LBP: variants seen among roughly 807,000 people sequenced by gnomAD.
LBP encodes lipopolysaccharide-binding protein.
In LBP, 53 loss-of-function variants were observed where a neutral mutation model predicts 56.6. The ratio of observed to expected loss-of-function variants is 0.94; its 90% CI spans 0.75 to 1.18. The LOEUF (loss-of-function observed/expected upper bound fraction) is 1.18. Ranked by LOEUF, LBP falls within the 50% of genes most tolerant of loss-of-function variation. The probability of loss-of-function intolerance (pLI) is 0.00; values close to 1 mark genes in which losing one functional copy is unlikely to be tolerated. For synonymous variants in LBP, 227 were observed against 247.5 expected (o/e 0.92, Z 0.78); for missense variants, 601 against 598.3 (o/e 1.00, Z -0.05).
At chr20:38,358,261 G>A (rs926023170) in intron 5 of LBP, among the ~76,000 whole-genome samples, 1 of 152,204 alleles carries the variant, frequency 6.6e-6, no homozygotes, top group African/African-American at 2.4e-5. Context: ...TTCTGCAAAG[G>A]TCAAACAGCC....
intron 5 of LBP, among the ~76,000 whole-genome samples, chr20:38,356,956 A>C (rs942764951): frequency 7.2e-5 from 11 of 152,046 alleles, no homozygotes; most frequent in Non-Finnish European, 8.8e-5. Context: ...CCCAGGTTCA[A>C]GCAATTCTTC....
At chr20:38,370,089 A>T (rs1390035180) in intron 10 of LBP, among the ~76,000 whole-genome samples, 1 of 152,140 alleles carries the variant, frequency 6.6e-6, no homozygotes, top group African/African-American at 2.4e-5. Context: ...AATATAATTT[A>T]CTGTCTGGGT....
rs779381277 is a variant in LBP at position 38,364,685 on chromosome 20, T to G, written c.854T>G (p.Val285Gly). 8 of 1,614,140 alleles carry G rather than the reference T, an allele frequency of 5.0e-6. No individual in the cohort carries two copies. The highest frequency in any genetic ancestry group is 5.9e-6 in the Non-Finnish European group (7 of 1,180,018). The change falls in exon 8 of 15, where the codon GTC (valine) becomes GGC (glycine). Residue 285 changes from valine to glycine, a missense_variant. By Grantham distance (109) the Val-to-Gly change is moderately radical. Transcript: ENST00000217407. ...KMVYFAISDY[V>G]FNTASLVYHE... ...GTCTACTTTGCCATCTCGGATTATGTCTTCAACACGGCCAGCCTGGTTTAT... is the reference window on the plus strand; with the variant it reads ...GTCTACTTTGCCATCTCGGATTATGGCTTCAACACGGCCAGCCTGGTTTAT...
rs1457958589 is a variant in LBP at position 38,346,687 on chromosome 20, G to C, written c.124+47G>C. The stretch of plus-strand genomic sequence containing the variant: ...CTGGACTTGGCAAACCCACGCTCCA[G>C]GCTGCTCTGGGTACAGTGGGGACAG... On this transcript the variant is annotated intron_variant, in intron 1 of 14. Coordinates refer to ENST00000217407, the MANE Select transcript of LBP (RefSeq NM_004139.5). 9 of 1,609,056 alleles carry C rather than the reference G, an allele frequency of 5.6e-6. No individual in the cohort carries two copies. In the South Asian group the frequency reaches 8.8e-5, roughly 16 times the overall value.
At position 38,371,235 on chromosome 20, in the gene LBP, C is replaced by T. The variant is rs188388337; in HGVS notation, c.1218-45C>T. The T allele has an allele frequency of 2.3e-4, 357 of 1,568,398 alleles. 1 individual carries two copies. The African/African-American group carries it at 4.1e-3, about 18-fold the overall frequency. ...TCTGGGGACCCCCGCATTGCTTAAA[C>T]TTGCATAAAGCCCACACCTTTTAAT... On this transcript the variant is annotated intron_variant, in intron 11 of 14. Transcript: ENST00000217407.
At position 38,369,033 on chromosome 20, in the gene LBP, G is replaced by A. The variant is rs1203549924; in HGVS notation, c.1020G>A (p.Gln340=). The A allele has an allele frequency of 2.5e-6, 4 of 1,614,050 alleles. No individual in the cohort carries two copies. Among genetic ancestry groups the A allele is most frequent in the East Asian group, 2.2e-5 (1 of 44,890 alleles). ...RLYPNMNLEL[Q]GSVPSAPLLN... ...ACCCCAACATGAACCTGGAACTCCAGGGATCAGTGCCCTCTGCTCCGCTCC... is the reference window on the plus strand; with the variant it reads ...ACCCCAACATGAACCTGGAACTCCAAGGATCAGTGCCCTCTGCTCCGCTCC... Residue 340 remains glutamine (Q), a synonymous_variant, in exon 10 of 15, where the codon CAG becomes CAA. Coordinates refer to ENST00000217407, the MANE Select transcript of LBP (RefSeq NM_004139.5).
rs1385118406 is a variant in LBP at position 38,364,592 on chromosome 20, G to A, written c.761G>A (p.Arg254His). ...EVMFKGEIFH[R>H]NHRSPVTLLA... ...CCTCTCCAGGGTGAAATCTTTCATCGTAACCACCGTTCTCCAGTTACCCTC... is the reference window on the plus strand; with the variant it reads ...CCTCTCCAGGGTGAAATCTTTCATCATAACCACCGTTCTCCAGTTACCCTC... The change falls in exon 8 of 15, where the codon CGT becomes CAT. Residue 254 changes from arginine to histidine, a missense_variant. Coordinates refer to ENST00000217407, the MANE Select transcript of LBP (RefSeq NM_004139.5). 2.5e-6 allele frequency: 4 copies of A among 1,613,998 alleles called. No individual in the cohort carries two copies. The highest frequency in any genetic ancestry group is 2.7e-5 in the African/African-American group (2 of 75,016).
At position 38,366,910 on chromosome 20, in the gene LBP, T is replaced by C. The variant is rs2076884439; in HGVS notation, c.981+82T>C. ...TTTCTCTTTAAAACCTCTGCATCTC[T>C]CAGCTTGACCAAGAGTGAGAAGGCC... On this transcript the variant is annotated intron_variant, in intron 9 of 14. Coordinates refer to ENST00000217407, the MANE Select transcript of LBP (RefSeq NM_004139.5). The C allele has an allele frequency of 3.1e-6, 4 of 1,281,382 alleles. No individual in the cohort carries two copies. The Admixed American group carries it at 6.7e-5, about 22-fold the overall frequency. 79.4% of individuals were successfully genotyped at this position (1,281,382 alleles called of 1,614,324 possible). A position where few individuals can be genotyped will look rare whatever the true frequency, so the allele number is the denominator to read the frequency against.
chr20:38,357,176 C>T (rs1055656606), intron 5 of LBP, among the ~76,000 whole-genome samples: 11 of 152,134 alleles, frequency 7.2e-5, no homozygotes, highest in Admixed American at 3.3e-4. Flanking sequence ...ATCTTAACCT[C>T]GACCTTGGAA....
At chr20:38,356,801 G>A (rs942321418) in intron 5 of LBP, among the ~76,000 whole-genome samples, 3 of 152,280 alleles carry the variant, frequency 2.0e-5, no homozygotes, top group Admixed American at 6.5e-5. Flanking sequence ...TCTTGAGCCT[G>A]TAGCTTGGCC....
At chr20:38,367,461 A>G (rs539774766) in intron 9 of LBP, among the ~76,000 whole-genome samples, 51 of 152,234 alleles carry the variant, frequency 3.4e-4, no homozygotes, top group African/African-American at 1.1e-3. Flanking sequence ...CTCAAAAAAA[A>G]TTATTAAAAA....
intron 5 of LBP, among the ~76,000 whole-genome samples, chr20:38,358,466 G>A (rs2076848879): frequency 6.6e-6 from 1 of 152,104 alleles, no homozygotes. Flanking sequence ...TGGTCTGATG[G>A]GCTACTGTCT....
At chr20:38,367,517 A>G (rs2076886454) in intron 9 of LBP, among the ~76,000 whole-genome samples, 1 of 152,198 alleles carries the variant, frequency 6.6e-6, no homozygotes, top group Non-Finnish European at 1.5e-5. Flanking sequence ...TCAACATTCA[A>G]AAGATCTAGA....
chr20:38,353,808 A>T (rs1299859128), intron 3 of LBP, among the ~76,000 whole-genome samples: 1 of 151,630 alleles, frequency 6.6e-6, no homozygotes, highest in Admixed American at 6.6e-5. Context: ...ATTTTTAATG[A>T]CTTTTACATG....
At chr20:38,349,251 G>A (rs190403477) in intron 1 of LBP, among the ~76,000 whole-genome samples, 2 of 152,306 alleles carry the variant, frequency 1.3e-5, no homozygotes, top group Non-Finnish European at 2.9e-5. Context: ...GAACAAGAAG[G>A]AGGACTATCC....
At chr20:38,353,332 C>G (rs933162969) in intron 3 of LBP, among the ~76,000 whole-genome samples, 1 of 152,282 alleles carries the variant, frequency 6.6e-6, no homozygotes, top group African/African-American at 2.4e-5. Flanking sequence ...TCCCCATTTC[C>G]CTTCCCCCAG....
chr20:38,350,660 T>G, intron 2 of LBP, 151 bp from the exon 3 acceptor site: 1 of 784,414 alleles, frequency 1.3e-6, no homozygotes, highest in Non-Finnish European at 2.0e-6. Flanking sequence ...CTTAGCATGG[T>G]CATAAGATCG....
chr20:38,366,864 G>A (rs781302486), intron 9 of LBP, 36 bp downstream of exon 9: 19 of 1,564,870 alleles, frequency 1.2e-5, no homozygotes, highest in Admixed American at 6.7e-5. Context: ...AGTGCAGACC[G>A]AGCCTACTAG....
intron 14 of LBP, among the ~76,000 whole-genome samples, chr20:38,375,340 T>G (rs967571396): frequency 1.3e-5 from 2 of 151,906 alleles, no homozygotes; most frequent in Non-Finnish European, 2.9e-5. Context: ...CCCAGCACTT[T>G]GGGAGGCCAA....
Sources: gnomAD v4.1 joint callset for allele counts (sites outside exome capture counted in the v4.1 genomes callset) on GRCh38, gnomAD v4.1.1 for gene constraint, MANE v1.5 for transcripts, NCBI Gene and HGNC (gene_info 2026-07-23, HGNC 2026-07-21) for gene names.